MUS81: variants seen among roughly 807,000 people sequenced by gnomAD.
MUS81 encodes MUS81 structure-specific endonuclease subunit.
In MUS81, 69 loss-of-function variants were observed where a neutral mutation model predicts 74.2. The observed-to-expected ratio is 0.93, with a 90% CI of 0.77 to 1.14. The LOEUF is 1.14. Among genes scored for constraint, MUS81 ranks in the 50% most tolerant of loss-of-function variants. The pLI is 0.00. For synonymous variants in MUS81, 303 were observed against 300.6 expected, an observed-to-expected ratio of 1.01 and a Z score of -0.08; for missense variants, 711 against 726.5, an observed-to-expected ratio of 0.98 and a Z score of 0.25.
At chr11:65,861,601 A>C in intron 3 of MUS81, 166 bp downstream of exon 3, 1 of 625,610 alleles carries the variant, frequency 1.6e-6, no homozygotes, top group Non-Finnish European at 2.8e-6. Flanking sequence ...GTGAATAGAA[A>C]TATTGGTAAC....
downstream of MUS81, chr11:65,866,855 C>G (rs1350365370): frequency 1.9e-6 from 3 of 1,593,454 alleles, no homozygotes; most frequent in Admixed American, 1.7e-5. Flanking sequence ...CTTTCTCATT[C>G]TGCCCCTCAC....
At position 65,863,511 on chromosome 11, in the gene MUS81, G is replaced by A. The variant is rs930923381; in HGVS notation, c.839+9G>A. On this transcript the variant is annotated intron_variant, in intron 8 of 15. Coordinates refer to ENST00000308110, the MANE Select transcript of MUS81 (RefSeq NM_025128.5). ...ATTGGCGAGACCCGGGGGTGAGTGA[G>A]GTGGGGAGAAACGAGGGAGATGATC... 1.2e-6 allele frequency: 2 copies of A among 1,614,176 alleles called. No individual in the cohort carries two copies. Among genetic ancestry groups the A allele is most frequent in the South Asian group, 1.1e-5 (1 of 91,090 alleles).
downstream of MUS81, chr11:65,867,086 G>A (rs746051296): frequency 2.5e-6 from 4 of 1,613,798 alleles, no homozygotes; most frequent in African/African-American, 2.7e-5. Context: ...TTTGCTGCAG[G>A]GCAGTGGGTG....
Position 65,860,824 on chromosome 11 carries a change from G to T in MUS81, c.71G>T (p.Trp24Leu). Residue 24 changes from tryptophan (W) to leucine (L), a missense_variant, in exon 1 of 16, where the codon TGG becomes TTG. Transcript: ENST00000308110. ...PACPNPLFVR[W>L]LTEWRDEATR... ...TGTCCCAACCCGCTCTTCGTTCGCT[G>T]GCTGACCGAGTGGCGGGACGAGGCG... 1 of 1,550,306 alleles carries T rather than the reference G, an allele frequency of 6.5e-7. No homozygotes were observed. Among genetic ancestry groups the T allele is most frequent in the Non-Finnish European group, 8.7e-7 (1 of 1,150,076 alleles).
chr11:65,862,103 G>A, intron 4 of MUS81, 58 bp downstream of exon 4: 5 of 1,593,586 alleles, frequency 3.1e-6, no homozygotes, highest in Non-Finnish European at 3.4e-6. Flanking sequence ...GAGGTTCCCC[G>A]AGGGGCCTGG....
intron 6 of MUS81, 96 bp downstream of exon 6, chr11:65,862,625 A>T: frequency 6.1e-5 from 69 of 1,123,752 alleles, no homozygotes; most frequent in East Asian, 1.6e-4. Context: ...TGCTGTTGAG[A>T]TTGGGGGGGG....
rs375354119 is a variant in MUS81, at chr11:65,862,203, G to T, written c.451-8G>T. On this transcript the variant is annotated splice_polypyrimidine_tract_variant and splice_region_variant and intron_variant, in intron 4 of 15. Transcript: ENST00000308110. ...GAGCCTACCCTGTCTTTTCTACCTT[G>T]GTTTCAGAATCCTAATGGTCACCAC... 1.2e-6 allele frequency: 2 copies of T among 1,613,326 alleles called. No individual in the cohort carries two copies. The highest frequency in any genetic ancestry group is 2.2e-5 in the South Asian group (2 of 91,008).
chr11:65,862,972 G>T, intron 6 of MUS81, 93 bp from the exon 7 acceptor site: 1 of 1,550,178 alleles, frequency 6.5e-7, no homozygotes. Flanking sequence ...GGCGCCAAGG[G>T]GGTGGTGAGG....
In MUS81 at chr11:65,864,606, A is replaced by G; in HGVS notation, c.1169A>G (p.Asn390Ser). 2 of 1,613,938 alleles carry G rather than the reference A, an allele frequency of 1.2e-6. No homozygotes were observed. The highest frequency in any genetic ancestry group is 1.7e-6 in the Non-Finnish European group (2 of 1,179,882). The change falls in exon 11 of 16, where the codon AAC (asparagine) becomes AGC (serine). Residue 390 changes from asparagine (N) to serine (S), a missense_variant. Coordinates refer to ENST00000308110, the MANE Select transcript of MUS81 (RefSeq NM_025128.5). ...AGCACACTGCTGCAGGCTGTCACCAACACTCAGGTGAGCTGGGAGGGCAGG... is the reference window on the plus strand; with the variant it reads ...AGCACACTGCTGCAGGCTGTCACCAGCACTCAGGTGAGCTGGGAGGGCAGG... ...PESTLLQAVT[N>S]TQVIDGFFVK... is the part of the protein sequence containing the mutation.
chr11:65,867,599 G>T (rs1420086965), downstream of MUS81: 9 of 532,136 alleles, frequency 1.7e-5, no homozygotes, highest in Non-Finnish European at 2.7e-5. Flanking sequence ...CCATTCCCTT[G>T]GTTTGTGGGT....
At chr11:65,860,323 C>T, upstream of MUS81, 1 of 466,294 alleles carries the variant, frequency 2.1e-6, no homozygotes, top group Non-Finnish European at 4.3e-6. Context: ...CTTAGAGCCG[C>T]CAAGCTCAGG....
chr11:65,862,548 G>A lies in MUS81; in HGVS notation c.605+19G>A. The A allele has an allele frequency of 6.2e-7, 1 of 1,609,706 alleles. No homozygotes were observed. Among genetic ancestry groups the A allele is most frequent in the Non-Finnish European group, 8.5e-7 (1 of 1,176,864 alleles). Reference sequence around the variant, plus strand: ...CAGCCAGGTGGGGCCAACTGCAGGAGATACAGGAGAGCATGAGTGAACTTC... The same window carrying A: ...CAGCCAGGTGGGGCCAACTGCAGGAAATACAGGAGAGCATGAGTGAACTTC... On this transcript the variant is annotated intron_variant, in intron 6 of 15. Coordinates refer to ENST00000308110, the MANE Select transcript of MUS81 (RefSeq NM_025128.5).
In MUS81 at chr11:65,863,136, A is replaced by G; in HGVS notation, c.677A>G (p.Asn226Ser). ...LAESEGLSLLNVGIGPKEPPG... is the reference protein window; with the variant it reads ...LAESEGLSLLSVGIGPKEPPG... Reference sequence around the variant, plus strand: ...GAGTCAGAAGGCCTGAGCTTGCTGAATGTGGGCATCGGGCCCAAGGAGCCC... The same window carrying G: ...GAGTCAGAAGGCCTGAGCTTGCTGAGTGTGGGCATCGGGCCCAAGGAGCCC... Residue 226 changes from asparagine to serine, a missense_variant, in exon 7 of 16, where the codon AAT (asparagine) becomes AGT (serine). Transcript: ENST00000308110. The G allele has an allele frequency of 3.7e-6, 6 of 1,614,152 alleles. No homozygotes were observed. Among genetic ancestry groups the G allele is most frequent in the Non-Finnish European group, 5.1e-6 (6 of 1,180,008 alleles).
downstream of MUS81, chr11:65,867,143 A>G: frequency 6.2e-7 from 1 of 1,601,012 alleles, no homozygotes. Flanking sequence ...CCCCTGCCCC[A>G]GCGTCACCTC....
chr11:65,862,971 G>T (rs1406486492), intron 6 of MUS81, 94 bp from the exon 7 acceptor site: 9 of 1,547,694 alleles, frequency 5.8e-6, no homozygotes, highest in Non-Finnish European at 7.1e-6. Context: ...GGGCGCCAAG[G>T]GGGTGGTGAG....
chr11:65,866,128 T>C lies in MUS81; in HGVS notation c.*76T>C, dbSNP rs1859827284. ...TAGCCAGCCTTTTAACAACATCTTT[T>C]GGGGTACAATTAGAATCTAAGTGTT... On this transcript the variant is annotated 3_prime_UTR_variant, in exon 16 of 16. Transcript: ENST00000308110. 7.2e-7 allele frequency: 1 copy of C among 1,389,388 alleles called. No homozygotes were observed. Among genetic ancestry groups the C allele is most frequent in the African/African-American group, 1.4e-5 (1 of 69,758 alleles). The allele number at this position is 1,389,388 out of a possible 1,614,324, so 86.1% of individuals were successfully genotyped here.
rs776841932 is a variant in MUS81 at position 65,863,709 on chromosome 11, C to T, written c.949C>T (p.Pro317Ser). Reference protein sequence around the residue: ...DFVWVAQETNPRDPANPGELV... With the variant: ...DFVWVAQETNSRDPANPGELV... ...TGTGTGGGTGGCCCAGGAGACCAAT[C>T]CTAGAGACCCAGGTGAAGGGCCGTG... The change falls in exon 9 of 16, where the codon CCT (proline) becomes TCT (serine). Residue 317 changes from proline to serine, a missense_variant. By Grantham distance (74) the Pro-to-Ser change is moderately conservative. Transcript: ENST00000308110. 1.9e-6 allele frequency: 3 copies of T among 1,614,024 alleles called. No individual in the cohort carries two copies. The highest frequency in any genetic ancestry group is 2.5e-6 in the Non-Finnish European group (3 of 1,179,964).
intron 14 of MUS81, 153 bp downstream of exon 14, chr11:65,865,476 GGA>G: frequency 1.2e-6 from 1 of 806,302 alleles, no homozygotes; most frequent in Non-Finnish European, 1.9e-6. Flanking sequence ...GGTCAAGTGG[GGA>G]GGAAGCCAGC....
chr11:65,859,743 C>T (rs1449843019), upstream of MUS81, among the ~76,000 whole-genome samples: 1 of 152,230 alleles, frequency 6.6e-6, no homozygotes, highest in Non-Finnish European at 1.5e-5. Context: ...TGGCGGGTCG[C>T]CTGTGTCCAA....
Sources: gnomAD v4.1 joint callset for allele counts (sites outside exome capture counted in the v4.1 genomes callset) on GRCh38, gnomAD v4.1.1 for gene constraint, MANE v1.5 for transcripts, NCBI Gene and HGNC (gene_info 2026-07-23, HGNC 2026-07-21) for gene names.